IL1R1: variants seen among roughly 807,000 people sequenced by gnomAD.
IL1R1 encodes interleukin 1 receptor type 1.
In IL1R1, 22 loss-of-function variants were observed where a neutral mutation model predicts 50.2. The observed-to-expected ratio is 0.44, with a 90% confidence interval of 0.31 to 0.63. The LOEUF is 0.63. IL1R1 is among the 20% of genes least tolerant of loss of function. The pLI, the probability that IL1R1 is intolerant of heterozygous loss-of-function variation, is 0.07. For synonymous variants in IL1R1, 251 were observed against 236.7 expected (o/e 1.06, Z -0.55); for missense variants, 509 against 676.2 (o/e 0.75, Z 2.74).
At chr2:102,109,139 A>C (rs1680600156) in intron 1 of IL1R1, among the ~76,000 whole-genome samples, 1 of 152,126 alleles carries the variant, frequency 6.6e-6, no homozygotes, top group Admixed American at 6.5e-5. Context: ...TAGTTATTGC[A>C]GAGCTGGAAT....
chr2:102,176,712 G>A lies in IL1R1; in HGVS notation c.1663G>A (p.Ala555Thr). Reference protein sequence around the residue: ...PSSKHQLLSPATKEKLQREAH... With the variant: ...PSSKHQLLSPTTKEKLQREAH... Reference sequence around the variant, plus strand: ...ATCTAAACACCAGTTACTGTCACCAGCCACTAAGGAGAAACTGCAAAGAGA... The same window carrying A: ...ATCTAAACACCAGTTACTGTCACCAACCACTAAGGAGAAACTGCAAAGAGA... The change falls in exon 12 of 12, where the codon GCC becomes ACC. Residue 555 changes from alanine (A) to threonine (T), a missense_variant. By Grantham distance (58) the Ala-to-Thr change is moderately conservative. Coordinates refer to ENST00000410023, the MANE Select transcript of IL1R1 (RefSeq NM_000877.4). 6.2e-7 allele frequency: 1 copy of A among 1,614,166 alleles called. No homozygotes were observed. The highest frequency in any genetic ancestry group is 8.5e-7 in the Non-Finnish European group (1 of 1,180,028).
intron 1 of IL1R1, among the ~76,000 whole-genome samples, chr2:102,075,857 A>G (rs1678933923): frequency 6.6e-6 from 1 of 152,224 alleles, no homozygotes; most frequent in Non-Finnish European, 1.5e-5. Flanking sequence ...TGGCTTTAAG[A>G]TGATCAATCT....
intron 1 of IL1R1, among the ~76,000 whole-genome samples, chr2:102,130,076 C>T (rs1434755061): frequency 6.6e-6 from 1 of 152,134 alleles, no homozygotes; most frequent in African/African-American, 2.4e-5. Flanking sequence ...CTCTTTAATG[C>T]ATTGCTCAAC....
chr2:102,165,333 C>A (rs201791062), intron 5 of IL1R1, 29 bp downstream of exon 5: 3 of 1,282,494 alleles, frequency 2.3e-6, no homozygotes, highest in Non-Finnish European at 3.2e-6. Context: ...TGACATTTCA[C>A]TTTTCCAGAA....
At chr2:102,166,315 T>G (rs577302355) in intron 6 of IL1R1, 34 bp downstream of exon 6, 1 of 1,529,820 alleles carries the variant, frequency 6.5e-7, no homozygotes, top group South Asian at 1.2e-5. Context: ...AAGGTTTAGA[T>G]CTGGGAAGGT....
At chr2:102,112,311 C>CGTGT (rs146015817) in intron 1 of IL1R1, among the ~76,000 whole-genome samples, 20,501 of 147,864 alleles carry the variant, frequency 0.14, 1,470 homozygotes, top group East Asian at 0.3. Context: ...TGGGGATTAA[C>CGTGT]GTGTGTGTGT....
chr2:102,155,590 T>C (rs1404953762), intron 2 of IL1R1, among the ~76,000 whole-genome samples: 3 of 152,132 alleles, frequency 2.0e-5, no homozygotes, highest in Middle Eastern at 3.2e-3. Flanking sequence ...CATCCCAAGC[T>C]CAGTGCCAAT....
chr2:102,148,958 AAACAAACAAAC>A, intron 1 of IL1R1, among the ~76,000 whole-genome samples: 1 of 57,102 alleles, frequency 1.8e-5, no homozygotes, highest in South Asian at 6.4e-4. Context: ...ACAAACAAAC[AAACAAACAAAC>A]AAACAAACAA....
chr2:102,081,342 A>ACCACACACAGCT (rs1679199744), intron 1 of IL1R1, among the ~76,000 whole-genome samples: 1 of 152,180 alleles, frequency 6.6e-6, no homozygotes, highest in African/African-American at 2.4e-5. Context: ...GGAGCCTGGG[A>ACCACACACAGCT]TGGAAGAGTT....
At chr2:102,149,849 G>T (rs1296693387) in intron 1 of IL1R1, among the ~76,000 whole-genome samples, 1 of 152,140 alleles carries the variant, frequency 6.6e-6, no homozygotes. Flanking sequence ...GGAGCCATGC[G>T]GTGGGACTGC....
At chr2:102,085,385 G>T (rs951315348) in intron 1 of IL1R1, among the ~76,000 whole-genome samples, 1 of 152,070 alleles carries the variant, frequency 6.6e-6, no homozygotes, top group Non-Finnish European at 1.5e-5. Flanking sequence ...ATTAAGATTT[G>T]GATATGGTAT....
intron 1 of IL1R1, among the ~76,000 whole-genome samples, chr2:102,082,499 A>G (rs1177732632): frequency 6.6e-6 from 1 of 152,228 alleles, no homozygotes; most frequent in Non-Finnish European, 1.5e-5. Flanking sequence ...TAAGAACTTC[A>G]GAATCAGCAT....
At chr2:102,166,529 G>C (rs1387648726) in intron 6 of IL1R1, among the ~76,000 whole-genome samples, 2 of 152,112 alleles carry the variant, frequency 1.3e-5, no homozygotes, top group African/African-American at 4.8e-5. Flanking sequence ...TGATTTAAGA[G>C]GGTTGTTCTT....
chr2:102,171,835 C>T lies in IL1R1; in HGVS notation c.756C>T (p.Gly252=), dbSNP rs370388309. 3 of 1,606,336 alleles carry T rather than the reference C, an allele frequency of 1.9e-6. No homozygotes were observed. In the African/African-American group the frequency reaches 4.0e-5, roughly 22 times the overall value. Residue 252 remains glycine, a synonymous_variant, in exon 8 of 12, where the codon GGC becomes GGT. Transcript: ENST00000410023. The part of the protein sequence containing the change: ...SQIQLICNVT[G]QLSDIAYWKW... ...TACAATTGATCTGTAATGTCACCGG[C>T]CAGTTGAGTGACATTGCTTACTGGA... is the stretch of plus-strand genomic sequence containing the variant.
intron 7 of IL1R1, among the ~76,000 whole-genome samples, chr2:102,169,647 G>GGTAT (rs1385644712): frequency 7.2e-5 from 11 of 152,188 alleles, no homozygotes; most frequent in African/African-American, 2.7e-4. Context: ...GAGGTTAGAA[G>GGTAT]GTATATGCTT....
chr2:102,102,981 C>T (rs577794712), upstream of IL1R1, among the ~76,000 whole-genome samples: 50 of 152,100 alleles, frequency 3.3e-4, no homozygotes, highest in Middle Eastern at 3.4e-3. Flanking sequence ...GAAAAACAGA[C>T]ACCAGGACCT....
At chr2:102,126,046 A>G (rs986265750) in intron 1 of IL1R1, among the ~76,000 whole-genome samples, 3 of 152,220 alleles carry the variant, frequency 2.0e-5, no homozygotes, top group Non-Finnish European at 4.4e-5. Flanking sequence ...GTGGTTCTTA[A>G]CTTCAACAGC....
chr2:102,084,414 AAC>A (rs1409201951), intron 1 of IL1R1, among the ~76,000 whole-genome samples: 3 of 152,236 alleles, frequency 2.0e-5, no homozygotes, highest in Admixed American at 6.5e-5. Context: ...GCTCGGAATC[AAC>A]TCACAGTAGT....
At chr2:102,072,230 A>G (rs560817085) in intron 1 of IL1R1, among the ~76,000 whole-genome samples, 1 of 151,756 alleles carries the variant, frequency 6.6e-6, no homozygotes, top group Non-Finnish European at 1.5e-5. Flanking sequence ...ATTGCACTCC[A>G]GCCTGGGTGA....
Sources: gnomAD v4.1 joint callset for allele counts (sites outside exome capture counted in the v4.1 genomes callset) on GRCh38, gnomAD v4.1.1 for gene constraint, MANE v1.5 for transcripts, NCBI Gene and HGNC (gene_info 2026-07-23, HGNC 2026-07-21) for gene names.